Variants in KIF2A observed in about 807,000 individuals in gnomAD.
KIF2A encodes kinesin family member 2A, also known as kinesin-like protein KIF2A.
A neutral mutation model predicts 100.2 loss-of-function variants in KIF2A; 22 were observed. The observed-to-expected ratio is 0.22, with a 90% CI of 0.16 to 0.31. The LOEUF (loss-of-function observed/expected upper bound fraction) is 0.31, where lower values mean the gene tolerates loss of function less well. KIF2A is among the 10% of genes least tolerant of loss of function. The probability of loss-of-function intolerance (pLI) is 1.00; values close to 1 mark genes in which losing one functional copy is unlikely to be tolerated. For synonymous variants in KIF2A, 268 were observed against 285.9 expected (o/e 0.94, Z 0.63); for missense variants, 495 against 898.7 (o/e 0.55, Z 5.74).
chr5:62,334,187 C>T lies in KIF2A; in HGVS notation c.65-12943C>T, dbSNP rs140791348. On this transcript the variant is annotated intron_variant, in intron 1 of 20. Coordinates refer to ENST00000407818, the MANE Select transcript of KIF2A (RefSeq NM_001098511.3). ...GCCCACCCCCCGGACCCTGAGGAGA[C>T]AGCCTACTCTAGCCTGAATAGGGGC... Among the ~76,000 whole-genome samples the T allele has an allele frequency of 7.1e-3, 1,082 of 151,970 alleles. 3 individuals are homozygous for T. Among genetic ancestry groups the T allele is most frequent in the Middle Eastern group, 0.02 (6 of 294 alleles).
chr5:62,365,652 T>C (rs1439472432), intron 15 of KIF2A, among the ~76,000 whole-genome samples: 4 of 152,158 alleles, frequency 2.6e-5, no homozygotes, highest in Admixed American at 2.0e-4. Context: ...TATGGTCATA[T>C]GTCTGGTAAT....
chr5:62,344,488 TAA>T (rs1747457310), intron 1 of KIF2A, among the ~76,000 whole-genome samples: 1 of 152,172 alleles, frequency 6.6e-6, no homozygotes, highest in Non-Finnish European at 1.5e-5. Context: ...CATGAGATGA[TAA>T]AAGTGTTAGG....
intron 20 of KIF2A, among the ~76,000 whole-genome samples, chr5:62,383,053 A>G (rs2112012273): frequency 6.8e-6 from 1 of 148,022 alleles, no homozygotes; most frequent in South Asian, 2.1e-4. Flanking sequence ...CAGGCTTCTG[A>G]GTAGCTGGGA....
At chr5:62,348,560 G>A (rs1230594831) in intron 3 of KIF2A, among the ~76,000 whole-genome samples, 2 of 152,104 alleles carry the variant, frequency 1.3e-5, no homozygotes, top group African/African-American at 4.8e-5. Flanking sequence ...TCTGCTATTT[G>A]TTTCTTAAAG....
intron 13 of KIF2A, 147 bp from the exon 14 acceptor site, chr5:62,363,548 T>G (rs972347426): frequency 1.1e-5 from 8 of 749,736 alleles, no homozygotes; most frequent in African/African-American, 3.5e-5. Flanking sequence ...TATTTAAGTG[T>G]TATAACTCAG....
rs542916678 is a variant in KIF2A, at chr5:62,388,013, T to C, written c.*2444T>C. The C allele has an allele frequency of 6.6e-6, 1 of 152,132 alleles. No homozygotes were observed. Among genetic ancestry groups the C allele is most frequent in the South Asian group, 2.1e-4 (1 of 4,832 alleles). 9.4% of individuals were successfully genotyped at this position (152,132 alleles called of 1,614,324 possible). On this transcript the variant is annotated 3_prime_UTR_variant, in exon 21 of 21. Transcript: ENST00000407818. ...CAAAATAGCTACTATAACTCTATTA[T>C]AGTATATTAACAGCACTTAGTATTA...
At chr5:62,320,595 A>G (rs1478638497) in intron 1 of KIF2A, among the ~76,000 whole-genome samples, 1 of 151,238 alleles carries the variant, frequency 6.6e-6, no homozygotes, top group Non-Finnish European at 1.5e-5. Flanking sequence ...CCTGTAAGGG[A>G]TGACATGCTT....
rs935161313 is a variant in KIF2A at position 62,313,750 on chromosome 5, G to C, written c.64+7214G>C. Among the ~76,000 whole-genome samples, 4 of 152,182 alleles carry C rather than the reference G, an allele frequency of 2.6e-5. No individual in the cohort carries two copies. In the East Asian group the frequency reaches 7.8e-4, roughly 29 times the overall value. On this transcript the variant is annotated intron_variant, in intron 1 of 20. Transcript: ENST00000407818. ...TTATTAGCCTATTTCCTATACTCTA[G>C]TACCTATTTGAGTTATAAGTTTATA...
At chr5:62,381,427 A>T (rs541428579) in intron 20 of KIF2A, among the ~76,000 whole-genome samples, 174 bp downstream of exon 20, 1 of 152,342 alleles carries the variant, frequency 6.6e-6, no homozygotes, top group African/African-American at 2.4e-5. Flanking sequence ...TCTAAAAGTC[A>T]TGGCATAGCA....
chr5:62,381,099 C>G lies in KIF2A; in HGVS notation c.2014-19C>G, dbSNP rs776614866. On this transcript the variant is annotated intron_variant, in intron 19 of 20. Transcript: ENST00000407818. ...TGCACAAAGATGCTTATTGGATTAT[C>G]GAATTTTTGTCCTTGTAGGAATCTA... The G allele has an allele frequency of 3.1e-6, 5 of 1,593,978 alleles. No homozygotes were observed. The South Asian group carries it at 3.4e-5, about 11-fold the overall frequency.
chr5:62,375,321 T>C (rs1034202733), intron 18 of KIF2A, among the ~76,000 whole-genome samples: 2 of 152,248 alleles, frequency 1.3e-5, no homozygotes, highest in Non-Finnish European at 2.9e-5. Flanking sequence ...TTTCTCATCA[T>C]GTTAAGTTAG....
At chr5:62,364,530 T>C (rs1374367978) in intron 14 of KIF2A, among the ~76,000 whole-genome samples, 2 of 152,218 alleles carry the variant, frequency 1.3e-5, no homozygotes, top group African/African-American at 4.8e-5. Context: ...CAGAAAAATG[T>C]GGAATGGCTT....
chr5:62,359,977 T>C (rs1317853961), intron 9 of KIF2A, among the ~76,000 whole-genome samples: 1 of 152,032 alleles, frequency 6.6e-6, no homozygotes, highest in Non-Finnish European at 1.5e-5. Flanking sequence ...CTTGTAGATC[T>C]GTTTTCCATC....
intron 8 of KIF2A, 79 bp downstream of exon 8, chr5:62,357,824 G>T: frequency 1.1e-6 from 1 of 907,176 alleles, no homozygotes; most frequent in South Asian, 1.6e-5. Flanking sequence ...AAATCAAATT[G>T]GTTTGGAAAA....
chr5:62,358,054 G>A (rs1457615345), intron 8 of KIF2A, 83 bp from the exon 9 acceptor site: 1 of 1,054,218 alleles, frequency 9.5e-7, no homozygotes. Flanking sequence ...TTGTATCTTA[G>A]TTCTTACTAC....
chr5:62,341,509 C>G (rs1747291215), intron 1 of KIF2A, among the ~76,000 whole-genome samples: 1 of 151,974 alleles, frequency 6.6e-6, no homozygotes, highest in Non-Finnish European at 1.5e-5. Context: ...CGGTATGTTG[C>G]CAACCTAGTC....
At chr5:62,306,801 G>T (rs1430509155) in intron 1 of KIF2A, 3 of 461,526 alleles carry the variant, frequency 6.5e-6, no homozygotes, top group South Asian at 2.9e-5. Context: ...TCGCGTCTCC[G>T]GGGGTCTCTG....
intron 11 of KIF2A, among the ~76,000 whole-genome samples, chr5:62,361,772 T>TGCACTTTGGG (rs1368363940): frequency 1.1e-4 from 16 of 151,442 alleles, no homozygotes; most frequent in African/African-American, 3.6e-4. Context: ...CTGTAATCCC[T>TGCACTTTGGG]GCACTTTGGG....
chr5:62,346,524 G>A (rs1365069284), intron 1 of KIF2A, among the ~76,000 whole-genome samples: 1 of 152,100 alleles, frequency 6.6e-6, no homozygotes, highest in Non-Finnish European at 1.5e-5. Flanking sequence ...TGGATCACTC[G>A]AGGCCAGGAT....
Sources: allele counts gnomAD v4.1 joint callset (sites outside exome capture counted in the v4.1 genomes callset), GRCh38; gene constraint gnomAD v4.1.1; transcripts MANE v1.5; gene names NCBI Gene and HGNC (gene_info 2026-07-23, HGNC 2026-07-21).